ARMC9: variants seen among roughly 807,000 people sequenced by gnomAD.
The protein encoded by ARMC9 is armadillo repeat containing 9, also known as lisH domain-containing protein ARMC9.
A neutral mutation model predicts 107.0 loss-of-function variants in ARMC9; 94 were observed. That is an observed-to-expected ratio of 0.88 (90% CI 0.74 to 1.04). ARMC9 has a LOEUF of 1.04. Ranked by LOEUF, ARMC9 falls within the 50% of genes least tolerant of loss-of-function variation. The pLI is 0.00. For missense variants in ARMC9, 942 were observed against 1,030.1 expected, an observed-to-expected ratio of 0.91 and a Z score of 1.17; for synonymous variants, 380 against 396.9, an observed-to-expected ratio of 0.96 and a Z score of 0.51.
chr2:231,362,844 C>G lies in ARMC9; in HGVS notation c.2261+1961C>G, dbSNP rs893626060. The stretch of plus-strand genomic sequence containing the variant: ...GGCTGACTTCAGCCCCAATTCAGGT[C>G]TCACTGAAGCATCCCTTCCTCCTGC... On this transcript the variant is annotated intron_variant, in intron 23 of 24. Coordinates refer to ENST00000611582, the MANE Select transcript of ARMC9 (RefSeq NM_001352754.2). The surrounding 1 kb of genome is among the most constrained non-coding windows in gnomAD (Gnocchi z 4.7). 1 of 154,234 alleles carries G rather than the reference C, an allele frequency of 6.5e-6. No homozygotes were observed. Among genetic ancestry groups the G allele is most frequent in the Non-Finnish European group, 1.5e-5 (1 of 68,212 alleles). 9.6% of individuals were successfully genotyped at this position (154,234 alleles called of 1,614,324 possible).
Position 231,217,613 on chromosome 2 carries a change from C to T in ARMC9, c.504+820C>T, listed in dbSNP as rs574398521. On this transcript the variant is annotated intron_variant, in intron 5 of 24. Transcript: ENST00000611582. ...CAGAAAGCAAGGATTCTCACCTGCT[C>T]GAATGGCAACCTAACAATTTTTACA... Among the ~76,000 whole-genome samples, 3 of 151,880 alleles carry T rather than the reference C, an allele frequency of 2.0e-5. No homozygotes were observed. In the South Asian group the frequency reaches 6.2e-4, roughly 32 times the overall value.
chr2:231,300,544 C>T (rs2041659410), intron 19 of ARMC9, among the ~76,000 whole-genome samples: 1 of 152,196 alleles, frequency 6.6e-6, no homozygotes, highest in Admixed American at 6.5e-5. Context: ...GGTGTTCAGT[C>T]ATCTCCTCTT....
chr2:231,247,104 C>T (rs574278423), intron 9 of ARMC9, among the ~76,000 whole-genome samples: 15 of 152,162 alleles, frequency 9.9e-5, no homozygotes, highest in Middle Eastern at 3.4e-3. Context: ...TACAGGCTCC[C>T]GCCACCATGC....
chr2:231,229,468 T>C (rs1222136476), intron 7 of ARMC9, among the ~76,000 whole-genome samples: 1 of 152,244 alleles, frequency 6.6e-6, no homozygotes, highest in Non-Finnish European at 1.5e-5. Flanking sequence ...TTTGAAATGC[T>C]GTGTGGAATA....
intron 12 of ARMC9, 167 bp from the exon 13 acceptor site, chr2:231,270,815 T>C (rs1363893450): frequency 7.0e-6 from 5 of 719,068 alleles, no homozygotes; most frequent in Non-Finnish European, 1.3e-5. Flanking sequence ...TCTCATCAAA[T>C]TTCAGTTGGA....
intron 12 of ARMC9, among the ~76,000 whole-genome samples, chr2:231,262,923 C>A (rs1414305325): frequency 6.6e-6 from 1 of 152,160 alleles, no homozygotes; most frequent in Non-Finnish European, 1.5e-5. Flanking sequence ...CAGGCACCTC[C>A]TCATCTGGGC....
chr2:231,282,632 A>G (rs1046937796), intron 17 of ARMC9, among the ~76,000 whole-genome samples: 1 of 152,248 alleles, frequency 6.6e-6, no homozygotes, highest in Non-Finnish European at 1.5e-5. Flanking sequence ...CCAGATTAAC[A>G]GTGTATTAAA....
chr2:231,335,761 G>A (rs538106897), intron 20 of ARMC9, among the ~76,000 whole-genome samples: 5 of 152,058 alleles, frequency 3.3e-5, no homozygotes, highest in Non-Finnish European at 7.4e-5. Flanking sequence ...TTTTAGTACC[G>A]TGCATACCGT....
intron 21 of ARMC9, among the ~76,000 whole-genome samples, chr2:231,345,681 G>A (rs1293861830): frequency 6.6e-6 from 1 of 152,196 alleles, no homozygotes; most frequent in East Asian, 1.9e-4. Context: ...GGGCGGTAGA[G>A]AAGCCACTTC....
chr2:231,239,820 A>C, intron 8 of ARMC9, 123 bp from the exon 9 acceptor site: 2 of 773,910 alleles, frequency 2.6e-6, no homozygotes, highest in Non-Finnish European at 4.4e-6. Context: ...TCTGGCTTAC[A>C]TACCTCATCA....
rs1279198921 is a variant in ARMC9 at position 231,297,450 on chromosome 2, A to G, written c.1773+1197A>G. 6.6e-6 allele frequency among the ~76,000 whole-genome samples: 1 copy of G among 152,204 alleles called. No homozygotes were observed. Among genetic ancestry groups the G allele is most frequent in the Non-Finnish European group, 1.5e-5 (1 of 68,028 alleles). ...TTGTGTAAAGGAAAAGATAGGAACT[A>G]TTTTAGGGCTTGCAGGCCACACAGT... On this transcript the variant is annotated intron_variant, in intron 19 of 24. Transcript: ENST00000611582. The surrounding 1 kb of genome is among the most constrained non-coding windows in gnomAD (Gnocchi z 4.2).
chr2:231,252,433 G>A (rs1287034630), intron 9 of ARMC9, among the ~76,000 whole-genome samples: 5 of 151,958 alleles, frequency 3.3e-5, no homozygotes, highest in African/African-American at 1.2e-4. Context: ...TACTTTTAGT[G>A]GAGACGGGGT....
intron 19 of ARMC9, among the ~76,000 whole-genome samples, chr2:231,322,443 C>T (rs6753112): frequency 0.54 from 81,564 of 152,184 alleles, 25,152 homozygotes; most frequent in African/African-American, 0.86. Flanking sequence ...GAAAGCACAC[C>T]GGATACTTTC....
intron 19 of ARMC9, among the ~76,000 whole-genome samples, chr2:231,325,430 A>G (rs2043260347): frequency 6.6e-6 from 1 of 152,202 alleles, no homozygotes; most frequent in South Asian, 2.1e-4. Context: ...TTGAAATGGA[A>G]TATGGACATT....
At chr2:231,219,695 A>T (rs1328803938) in intron 5 of ARMC9, among the ~76,000 whole-genome samples, 1 of 152,102 alleles carries the variant, frequency 6.6e-6, no homozygotes, top group Non-Finnish European at 1.5e-5. Flanking sequence ...CTCAATTAGT[A>T]TCTCTTTGTA....
At position 231,296,228 on chromosome 2, in the gene ARMC9, A is replaced by G; in HGVS notation, c.1748A>G (p.Asp583Gly). The change falls in exon 19 of 25, where the codon GAT becomes GGT. Residue 583 changes from aspartate to glycine, a missense_variant. By Grantham distance (94) the Asp-to-Gly change is moderately conservative. Transcript: ENST00000611582. ...EELPDGVLES[D>G]DDEDEDDEED... Reference sequence around the variant, plus strand: ...CTACCAGATGGTGTTCTTGAATCTGATGATGATGAAGATGAAGATGATGAA... The same window carrying G: ...CTACCAGATGGTGTTCTTGAATCTGGTGATGATGAAGATGAAGATGATGAA... 6.2e-7 allele frequency: 1 copy of G among 1,613,312 alleles called. No homozygotes were observed. Among genetic ancestry groups the G allele is most frequent in the Non-Finnish European group, 8.5e-7 (1 of 1,179,498 alleles).
chr2:231,219,752 A>G (rs925399894), intron 5 of ARMC9, among the ~76,000 whole-genome samples: 3 of 152,162 alleles, frequency 2.0e-5, no homozygotes, highest in Middle Eastern at 3.2e-3. Context: ...CTAAATGTAT[A>G]TTAGACCTAT....
chr2:231,206,665 C>T (rs1311888840), intron 2 of ARMC9, among the ~76,000 whole-genome samples: 1 of 152,194 alleles, frequency 6.6e-6, no homozygotes, highest in Non-Finnish European at 1.5e-5. Context: ...TGCTTTTTAT[C>T]TGCCAACAAT....
Position 231,239,940 on chromosome 2 carries a change from C to T in ARMC9, c.781-3C>T, listed in dbSNP as rs778000672. 18 of 1,613,020 alleles carry T rather than the reference C, an allele frequency of 1.1e-5. No individual in the cohort carries two copies. In the South Asian group the frequency reaches 2.0e-4, roughly 18 times the overall value. On this transcript the variant is annotated splice_polypyrimidine_tract_variant and splice_region_variant and intron_variant, in intron 8 of 24. Coordinates refer to ENST00000611582, the MANE Select transcript of ARMC9 (RefSeq NM_001352754.2). Reference sequence around the variant, plus strand: ...ACCAGATGTCTTTGTATCCTCCTTGCAGATCACCCCTGAGTACCTCCAGAG... The same window carrying T: ...ACCAGATGTCTTTGTATCCTCCTTGTAGATCACCCCTGAGTACCTCCAGAG...
Sources: allele counts gnomAD v4.1 joint callset (sites outside exome capture counted in the v4.1 genomes callset), GRCh38; gene constraint gnomAD v4.1.1; non-coding constraint Gnocchi (gnomAD v3.1); transcripts MANE v1.5; gene names NCBI Gene and HGNC (gene_info 2026-07-23, HGNC 2026-07-21).